The following CREB5 variants were observed in gnomAD, a reference collection of about 807,000 sequenced individuals.
The protein encoded by CREB5 is cAMP responsive element binding protein 5.
Under a neutral mutation model 57.1 loss-of-function variants are expected in CREB5, and 19 were observed. The ratio of observed to expected loss-of-function variants is 0.33; its 90% CI spans 0.23 to 0.49. The LOEUF is 0.49. CREB5 is among the 20% of genes least tolerant of loss of function. CREB5 has a pLI of 0.99. For synonymous variants in CREB5, 238 were observed against 238.3 expected (o/e 1.00, Z 0.01); for missense variants, 579 against 671.6 (o/e 0.86, Z 1.52).
chr7:28,716,746 C>G (rs909835297), intron 5 of CREB5, among the ~76,000 whole-genome samples: 1 of 152,234 alleles, frequency 6.6e-6, no homozygotes, highest in African/African-American at 2.4e-5. Context: ...ACCTATCTGA[C>G]TCAGTCTATC....
chr7:28,546,894 G>A (rs1252678794), intron 4 of CREB5, among the ~76,000 whole-genome samples: 1 of 152,190 alleles, frequency 6.6e-6, no homozygotes, highest in African/African-American at 2.4e-5. Context: ...TGTGGATAGA[G>A]CTGGGGTTGG....
chr7:28,307,757 G>A (rs1276576607), intron 1 of CREB5, among the ~76,000 whole-genome samples: 1 of 152,224 alleles, frequency 6.6e-6, no homozygotes, highest in Non-Finnish European at 1.5e-5. Context: ...GGTCCCAGAG[G>A]TTCAACTGTG....
intron 5 of CREB5, among the ~76,000 whole-genome samples, chr7:28,684,506 CA>C (rs2050005391): frequency 6.6e-6 from 1 of 152,236 alleles, no homozygotes; most frequent in South Asian, 2.1e-4. Flanking sequence ...AGTACGGCAA[CA>C]CTCCCTGAAG....
Position 28,364,791 on chromosome 7 carries a change from C to G in CREB5, c.-25+65350C>G, listed in dbSNP as rs1357187264. Among the ~76,000 whole-genome samples, 7 of 152,332 alleles carry G rather than the reference C, an allele frequency of 4.6e-5. No homozygotes were observed. The East Asian group carries it at 1.4e-3, about 29-fold the overall frequency. On this transcript the variant is annotated intron_variant, in intron 1 of 9. Coordinates refer to the CREB5 transcript ENST00000396299. ...ATCATAGAGGTAGAATAGCTGTCCT[C>G]CTGGCTACCTGTCATCTGCTAGAAA...
chr7:28,740,955 G>A (rs1274895326), intron 7 of CREB5, among the ~76,000 whole-genome samples: 3 of 151,220 alleles, frequency 2.0e-5, no homozygotes, highest in East Asian at 3.9e-4. Flanking sequence ...TAGTTTCTCA[G>A]GACCAATAAT....
chr7:28,682,529 C>T (rs922584265), intron 5 of CREB5, among the ~76,000 whole-genome samples: 3 of 152,200 alleles, frequency 2.0e-5, no homozygotes, highest in Admixed American at 6.5e-5. Flanking sequence ...TGGCTGGGTA[C>T]ATGTGATAGT....
chr7:28,521,404 GC>G (rs1793202117), intron 4 of CREB5, among the ~76,000 whole-genome samples: 2 of 152,124 alleles, frequency 1.3e-5, no homozygotes, highest in South Asian at 4.1e-4. Flanking sequence ...GCGGAGGTCT[GC>G]CCCAAGAACA....
At position 28,592,506 on chromosome 7, in the gene CREB5, A is replaced by AG. The variant is rs564370962; in HGVS notation, c.464+21976dup. Among the ~76,000 whole-genome samples the AG allele has an allele frequency of 7.8e-4, 119 of 152,206 alleles. 1 individual carries two copies. Among genetic ancestry groups the AG allele is most frequent in the African/African-American group, 2.6e-3 (109 of 41,540 alleles). On this transcript the variant is annotated intron_variant, in intron 5 of 10. Coordinates refer to ENST00000357727, the MANE Select transcript of CREB5 (RefSeq NM_182898.4). ...TGAAGGGATTTTGGATGAGGGAGCA[A>AG]GGGGGGGTTGACATCCTTTTGAACT... is the stretch of plus-strand genomic sequence containing the variant.
intron 4 of CREB5, among the ~76,000 whole-genome samples, chr7:28,533,754 T>C (rs1346633575): frequency 6.6e-6 from 1 of 152,216 alleles, no homozygotes; most frequent in Non-Finnish European, 1.5e-5. Flanking sequence ...TACTTCTTGA[T>C]ACAGCAACCA....
intron 5 of CREB5, among the ~76,000 whole-genome samples, chr7:28,613,162 C>T (rs768678801): frequency 6.6e-6 from 1 of 152,108 alleles, no homozygotes; most frequent in Non-Finnish European, 1.5e-5. Context: ...AGCAGGGGCC[C>T]CTCTATTTCA....
chr7:28,477,301 G>A (rs1365706678), intron 1 of CREB5, among the ~76,000 whole-genome samples: 5 of 152,098 alleles, frequency 3.3e-5, no homozygotes, highest in African/African-American at 1.2e-4. Flanking sequence ...CTTTCAATAG[G>A]CATGTCTCAT....
chr7:28,593,513 C>T (rs1179620097), intron 5 of CREB5, among the ~76,000 whole-genome samples: 6 of 152,196 alleles, frequency 3.9e-5, no homozygotes, highest in Non-Finnish European at 7.3e-5. Context: ...CCTCCAAAAG[C>T]ACTGGGATTA....
At chr7:28,348,408 T>TCTCTCACACACACACACACACA (rs1376338798) in intron 1 of CREB5, among the ~76,000 whole-genome samples, 14 of 118,248 alleles carry the variant, frequency 1.2e-4, no homozygotes, top group African/African-American at 4.4e-4. Context: ...TCTCTCTCTC[T>TCTCTCACACACACACACACACA]CACACACACA....
intron 4 of CREB5, among the ~76,000 whole-genome samples, chr7:28,528,479 A>T (rs992170064): frequency 1.3e-5 from 2 of 152,118 alleles, no homozygotes; most frequent in African/African-American, 4.8e-5. Flanking sequence ...CTGAGGCGGG[A>T]GGATCAGCTG....
intron 5 of CREB5, among the ~76,000 whole-genome samples, chr7:28,611,237 G>C (rs1182660231): frequency 1.3e-5 from 2 of 151,996 alleles, no homozygotes; most frequent in African/African-American, 4.8e-5. Context: ...AGGTCCCAGA[G>C]CTCATCACCA....
At chr7:28,596,003 C>T (rs922463286) in intron 5 of CREB5, among the ~76,000 whole-genome samples, 3 of 152,120 alleles carry the variant, frequency 2.0e-5, no homozygotes, top group South Asian at 2.1e-4. Context: ...CACTCTAGGC[C>T]GAGACCTCCT....
At chr7:28,400,628 G>T (rs1787441684) in intron 1 of CREB5, among the ~76,000 whole-genome samples, 1 of 152,150 alleles carries the variant, frequency 6.6e-6, no homozygotes, top group Non-Finnish European at 1.5e-5. Context: ...TATCCACAGT[G>T]GGTAATATTC....
At chr7:28,358,394 G>A (rs1030690184) in intron 1 of CREB5, among the ~76,000 whole-genome samples, 4 of 152,162 alleles carry the variant, frequency 2.6e-5, no homozygotes, top group Admixed American at 6.5e-5. Context: ...GACTTGACAC[G>A]GCCACTTGTG....
At chr7:28,334,035 T>A (rs968109317) in intron 1 of CREB5, among the ~76,000 whole-genome samples, 4 of 152,224 alleles carry the variant, frequency 2.6e-5, no homozygotes, top group African/African-American at 9.6e-5. Context: ...TTTCTCCACA[T>A]CCTTGCCAGC....
Sources: gnomAD v4.1 joint callset for allele counts (sites outside exome capture counted in the v4.1 genomes callset) on GRCh38, gnomAD v4.1.1 for gene constraint, MANE v1.5 for transcripts, NCBI Gene and HGNC (gene_info 2026-07-23, HGNC 2026-07-21) for gene names.